NAA11: variants seen among roughly 807,000 people sequenced by gnomAD.
NAA11 encodes N-alpha-acetyltransferase 11.
Under a neutral mutation model 16.1 loss-of-function variants are expected in NAA11, and 15 were observed. The observed-to-expected ratio is 0.93, with a 90% CI of 0.62 to 1.44. NAA11 has a LOEUF of 1.44. NAA11 is among the 40% of genes most tolerant of loss of function. The pLI, the probability that NAA11 is intolerant of heterozygous loss-of-function variation, is 0.00. For synonymous variants in NAA11, 122 were observed against 112.4 expected (o/e 1.09, Z -0.54); for missense variants, 298 against 291.3 (o/e 1.02, Z -0.17).
chr4:79,296,899 C>G (rs1309971315), intron 1 of NAA11, among the ~76,000 whole-genome samples: 2 of 152,212 alleles, frequency 1.3e-5, no homozygotes, highest in Non-Finnish European at 2.9e-5. Context: ...GCTATTGATT[C>G]TTCAATGCTT....
chr4:79,181,195 G>A, the NAA11 span, among the ~76,000 whole-genome samples: 43 of 150,214 alleles, frequency 2.9e-4, no homozygotes, highest in Non-Finnish European at 4.1e-4. Flanking sequence ...AAACCTGCAC[G>A]TTGTGCACAT....
chr4:79,267,838 T>C (rs79406962), intron 2 of NAA11, among the ~76,000 whole-genome samples: 6,200 of 152,220 alleles, frequency 0.041, 185 homozygotes, highest in Non-Finnish European at 0.06. Flanking sequence ...TTTGCATTGC[T>C]GTTTCCTAGG....
intron 2 of NAA11, among the ~76,000 whole-genome samples, chr4:79,252,439 C>A (rs949206623): frequency 2.6e-5 from 4 of 151,832 alleles, no homozygotes; most frequent in African/African-American, 4.8e-5. Flanking sequence ...GGTTGAGCTC[C>A]CATTCTCATA....
the NAA11 span, among the ~76,000 whole-genome samples, chr4:79,164,786 T>C: frequency 3.4e-4 from 51 of 152,194 alleles, no homozygotes; most frequent in Non-Finnish European, 4.9e-4. Context: ...AGAATGTATC[T>C]ACCTTTAAGG....
chr4:79,272,856 C>T (rs1272413648), intron 2 of NAA11, among the ~76,000 whole-genome samples: 2 of 151,758 alleles, frequency 1.3e-5, no homozygotes, highest in East Asian at 3.9e-4. Flanking sequence ...GGTTGAATTG[C>T]TAGAGATGGT....
chr4:79,245,697 C>T (rs1487857498), intron 2 of NAA11, among the ~76,000 whole-genome samples: 1 of 151,638 alleles, frequency 6.6e-6, no homozygotes, highest in Non-Finnish European at 1.5e-5. Context: ...TGAGGAGTGT[C>T]TCTGCCTGTT....
intron 2 of NAA11, among the ~76,000 whole-genome samples, chr4:79,240,399 G>A (rs540960008): frequency 1.2e-4 from 18 of 152,260 alleles, no homozygotes; most frequent in Middle Eastern, 6.8e-3. Flanking sequence ...CTTAGTATAT[G>A]CTTTGTGTTA....
At chr4:79,323,935 G>A (rs1724178895) in intron 1 of NAA11, among the ~76,000 whole-genome samples, 1 of 151,946 alleles carries the variant, frequency 6.6e-6, no homozygotes, top group Non-Finnish European at 1.5e-5. Flanking sequence ...CCCAGGACGT[G>A]GAGGTTGCAG....
chr4:79,240,887 C>T (rs916237347), intron 2 of NAA11, among the ~76,000 whole-genome samples: 12 of 152,036 alleles, frequency 7.9e-5, no homozygotes, highest in Admixed American at 1.3e-4. Context: ...AACTAAAAAA[C>T]AACAACAAAA....
chr4:79,305,876 T>C (rs2110006674), intron 1 of NAA11, among the ~76,000 whole-genome samples: 1 of 152,286 alleles, frequency 6.6e-6, no homozygotes, highest in African/African-American at 2.4e-5. Flanking sequence ...ATTTCTCTTA[T>C]TTACATCCCC....
intron 2 of NAA11, among the ~76,000 whole-genome samples, chr4:79,241,564 T>G (rs1721697102): frequency 6.6e-6 from 1 of 152,246 alleles, no homozygotes; most frequent in Non-Finnish European, 1.5e-5. Flanking sequence ...CTTTTTGCTT[T>G]CTTCTTTCCA....
the NAA11 span, among the ~76,000 whole-genome samples, chr4:79,207,367 TAAAAAAAAA>T: frequency 1.7e-5 from 2 of 115,920 alleles, no homozygotes; most frequent in Admixed American, 9.4e-5. Context: ...TGAATGAGGT[TAAAAAAAAA>T]AAAAAAAAAA....
the NAA11 span, among the ~76,000 whole-genome samples, chr4:79,208,221 T>A: frequency 2.0e-5 from 3 of 152,120 alleles, no homozygotes; most frequent in Non-Finnish European, 4.4e-5. Context: ...CCTAGCTAAA[T>A]CATTTCCAGA....
At chr4:79,289,164 G>A (rs926761511) in intron 2 of NAA11, among the ~76,000 whole-genome samples, 1 of 152,180 alleles carries the variant, frequency 6.6e-6, no homozygotes, top group Non-Finnish European at 1.5e-5. Context: ...ACATTGCCAA[G>A]TTGTCCTCCA....
chr4:79,169,071 G>A, the NAA11 span, among the ~76,000 whole-genome samples: 1 of 152,086 alleles, frequency 6.6e-6, no homozygotes, highest in African/African-American at 2.4e-5. Flanking sequence ...CCTCTTCAAG[G>A]AGAACTACAA....
At chr4:79,162,230 T>G in the NAA11 span, among the ~76,000 whole-genome samples, 1 of 152,196 alleles carries the variant, frequency 6.6e-6, no homozygotes, top group Admixed American at 6.5e-5. Flanking sequence ...CAGTAAATAT[T>G]CCCATGTATT....
chr4:79,246,377 T>TAAAAAAAAAAAAAAAAAAAAA (rs869224539), intron 2 of NAA11, among the ~76,000 whole-genome samples: 1 of 22,462 alleles, frequency 4.5e-5, no homozygotes, highest in African/African-American at 1.4e-4. Context: ...CAATAAATAC[T>TAAAAAAAAAAAAAAAAAAAAA]AAAAAAAAAA....
chr4:79,301,584 A>G lies in NAA11; in HGVS notation c.*13-7470T>C, dbSNP rs77006402. Among the ~76,000 whole-genome samples the G allele has an allele frequency of 1.1e-3, 173 of 152,334 alleles. 3 individuals carry two copies. In the East Asian group the frequency reaches 0.03, roughly 27 times the overall value. ...TTTCTTGGTGATAGAATCCACTTCTAGCTCCTCAGTTCAAGGTCTTTAAGA... is the reference window on the plus strand; with the variant it reads ...TTTCTTGGTGATAGAATCCACTTCTGGCTCCTCAGTTCAAGGTCTTTAAGA... On this transcript the variant is annotated intron_variant and NMD_transcript_variant, in intron 1 of 2. Transcript: ENST00000511542.
At chr4:79,316,446 C>T (rs1031840978), downstream of NAA11, among the ~76,000 whole-genome samples, 10 of 152,188 alleles carry the variant, frequency 6.6e-5, no homozygotes, top group African/African-American at 2.4e-4. Flanking sequence ...TTAGAGTGCA[C>T]TAGGGTAGAT....
Sources: gnomAD v4.1 joint callset for allele counts (sites outside exome capture counted in the v4.1 genomes callset) on GRCh38, gnomAD v4.1.1 for gene constraint, MANE v1.5 for transcripts, NCBI Gene and HGNC (gene_info 2026-07-23, HGNC 2026-07-21) for gene names.